The following LRRC9 variants were observed in gnomAD, a reference collection of about 807,000 sequenced individuals.
LRRC9 encodes the protein leucine rich repeat containing 9.
LRRC9 carries 122 observed loss-of-function variants against 63.2 expected under a neutral mutation model. The observed-to-expected ratio is 1.93, with a 90% CI of 1.67 to 2.24. LRRC9 has a LOEUF of 2.24. Among genes scored for constraint, LRRC9 ranks in the 30% most tolerant of loss-of-function variants. LRRC9 has a pLI of 0.00. For missense variants in LRRC9, 1,071 were observed against 627.7 expected, an observed-to-expected ratio of 1.71 and a Z score of -7.55; for synonymous variants, 366 against 213.1, an observed-to-expected ratio of 1.72 and a Z score of -6.25.
intron 6 of LRRC9, among the ~76,000 whole-genome samples, chr14:59,933,449 G>A (rs887884750): frequency 1.3e-5 from 2 of 152,188 alleles, no homozygotes; most frequent in African/African-American, 2.4e-5. Context: ...CACATATAAT[G>A]TTGGTTAAAA....
chr14:60,000,539 G>A (rs1028758603), intron 19 of LRRC9, among the ~76,000 whole-genome samples: 1 of 152,006 alleles, frequency 6.6e-6, no homozygotes, highest in Admixed American at 6.6e-5. Flanking sequence ...ATAGACCAAT[G>A]GAACAGAATA....
At chr14:59,995,343 T>C (rs934361663) in intron 17 of LRRC9, among the ~76,000 whole-genome samples, 2 of 152,218 alleles carry the variant, frequency 1.3e-5, no homozygotes, top group Non-Finnish European at 2.9e-5. Context: ...TAAATGGCTA[T>C]TTGCAACCTC....
At position 60,053,383 on chromosome 14, in the gene LRRC9, TCACACACACACACACACA is replaced by T. The variant is rs140525122; in HGVS notation, c.4131+199_4131+216del. 1.2e-5 allele frequency among the ~76,000 whole-genome samples: 1 copy of T among 85,618 alleles called. No homozygotes were observed. The highest frequency in any genetic ancestry group is 3.1e-5 in the African/African-American group (1 of 31,952). The allele number at this position is 85,618 out of a possible 152,430, so 56.2% of individuals were successfully genotyped here. A position where few individuals can be genotyped will look rare whatever the true frequency, so the allele number is the denominator to read the frequency against. ...GATTTGGTGAATAGAGCATGCGTGC[TCACACACACACACACACA>T]CACACACACACACACACACATATAT... On this transcript the variant is annotated intron_variant, in intron 30 of 31. Transcript: ENST00000445360. This position sits in a 1 kb window ranked among gnomAD's most constrained non-coding sequence, Gnocchi z 4.8.
intron 8 of LRRC9, among the ~76,000 whole-genome samples, chr14:59,946,492 C>CT (rs201416774): frequency 0.015 from 2,104 of 144,860 alleles, 51 homozygotes; most frequent in East Asian, 0.061. Context: ...AATCTATTTT[C>CT]TTTTTTTTTG....
chr14:59,996,616 T>C (rs981729797), intron 17 of LRRC9, among the ~76,000 whole-genome samples: 1 of 152,154 alleles, frequency 6.6e-6, no homozygotes, highest in Admixed American at 6.5e-5. Context: ...ATGACCAGTA[T>C]AAACACATAG....
chr14:60,034,690 T>G (rs565327012), intron 29 of LRRC9, among the ~76,000 whole-genome samples: 1 of 152,360 alleles, frequency 6.6e-6, no homozygotes, highest in East Asian at 1.9e-4. Flanking sequence ...ATTCTTTTTA[T>G]GGCTGAATAA....
chr14:59,944,860 ACACACT>A (rs199733138), intron 8 of LRRC9, 116 bp downstream of exon 8: 4 of 448,268 alleles, frequency 8.9e-6, no homozygotes, highest in African/African-American at 2.6e-5. Flanking sequence ...ACACACACAC[ACACACT>A]CACACACACA....
At chr14:59,993,336 G>A (rs1164116696) in intron 17 of LRRC9, among the ~76,000 whole-genome samples, 22 of 152,178 alleles carry the variant, frequency 1.4e-4, no homozygotes, top group Non-Finnish European at 1.6e-4. Flanking sequence ...AGGAACAACC[G>A]GTACCAGCCA....
chr14:60,056,130 CA>C (rs1487924154), intron 30 of LRRC9, among the ~76,000 whole-genome samples: 2 of 152,116 alleles, frequency 1.3e-5, no homozygotes, highest in African/African-American at 2.4e-5. Context: ...TTCACCATCT[CA>C]AAATCCTTAA....
At chr14:59,975,374 C>T (rs1484500451) in intron 13 of LRRC9, among the ~76,000 whole-genome samples, 4 of 151,538 alleles carry the variant, frequency 2.6e-5, no homozygotes, top group Non-Finnish European at 5.9e-5. Context: ...GTATGGATTG[C>T]TTTATAACTT....
intron 29 of LRRC9, among the ~76,000 whole-genome samples, chr14:60,052,132 C>A (rs1175878047): frequency 1.3e-5 from 2 of 152,180 alleles, no homozygotes; most frequent in African/African-American, 4.8e-5. Context: ...TCTTGGCCCA[C>A]ATTCAGGTCT....
rs1023792758 is a variant in LRRC9 at position 59,959,571 on chromosome 14, T to C, written c.883-247T>C. Among the ~76,000 whole-genome samples, 60 of 152,356 alleles carry C rather than the reference T, an allele frequency of 3.9e-4. 1 individual carries two copies. The highest frequency in any genetic ancestry group is 1.3e-3 in the African/African-American group (54 of 41,596). On this transcript the variant is annotated intron_variant, in intron 8 of 31. Transcript: ENST00000445360. ...CTTATTTTCAATTGGGAGACTGCCC[T>C]ATTTGAAGTGGTTAAGGTCGGCACT...
At chr14:59,953,987 T>A (rs1052760453) in intron 8 of LRRC9, among the ~76,000 whole-genome samples, 1 of 152,200 alleles carries the variant, frequency 6.6e-6, no homozygotes. Context: ...GTGGTGCTAT[T>A]TCTGAGGTCT....
intron 27 of LRRC9, among the ~76,000 whole-genome samples, chr14:60,023,312 T>C (rs1891260068): frequency 6.6e-6 from 1 of 152,018 alleles, no homozygotes; most frequent in Non-Finnish European, 1.5e-5. Flanking sequence ...TATGTATTAC[T>C]AACTTAAGTG....
intron 27 of LRRC9, among the ~76,000 whole-genome samples, chr14:60,023,392 G>A (rs555919072): frequency 1.3e-5 from 2 of 152,042 alleles, no homozygotes; most frequent in African/African-American, 4.8e-5. Flanking sequence ...CTTTAAAGGA[G>A]TGATAGAATC....
At position 59,982,091 on chromosome 14, in the gene LRRC9, C is replaced by A. The variant is rs780815941; in HGVS notation, c.2091+31C>A. The A allele has an allele frequency of 1.2e-4, 80 of 667,560 alleles. 1 individual carries two copies. In the South Asian group the frequency reaches 1.3e-3, roughly 11 times the overall value. 41.4% of individuals were successfully genotyped at this position (667,560 alleles called of 1,614,324 possible). ...TATTGTGAGAAATACAGCTTTGAGACAGGAATCTTGAATTTGGAATCAGAA... is the reference window on the plus strand; with the variant it reads ...TATTGTGAGAAATACAGCTTTGAGAAAGGAATCTTGAATTTGGAATCAGAA... On this transcript the variant is annotated intron_variant, in intron 16 of 31. Transcript: ENST00000445360.
At position 60,053,209 on chromosome 14, in the gene LRRC9, ATAATTATATTATT is replaced by A; in HGVS notation, c.4131+7_4131+19del. The A allele has an allele frequency of 1.4e-6, 1 of 694,106 alleles. No individual in the cohort carries two copies. The highest frequency in any genetic ancestry group is 1.5e-5 in the South Asian group (1 of 65,564). The allele number at this position is 694,106 out of a possible 1,614,324, so 43.0% of individuals were successfully genotyped here. A position where few individuals can be genotyped will look rare whatever the true frequency, so the allele number is the denominator to read the frequency against. On this transcript the variant is annotated splice_donor_5th_base_variant and intron_variant, in intron 30 of 31. Transcript: ENST00000445360. The surrounding 1 kb of genome is among the most constrained non-coding windows in gnomAD (Gnocchi z 4.8). ...ACTACAAGCAAAGAAAAACTCGGTAATAATTATATTATTTACAATTTTCCTTTTGAAGCACATT... is the reference window on the plus strand; with the variant it reads ...ACTACAAGCAAAGAAAAACTCGGTAATACAATTTTCCTTTTGAAGCACATT...
chr14:59,977,430 T>G, intron 14 of LRRC9, 83 bp downstream of exon 14: 1 of 534,486 alleles, frequency 1.9e-6, no homozygotes, highest in African/African-American at 1.9e-5. Context: ...CACAATTTTA[T>G]TTCTACTTAA....
At chr14:59,953,187 C>G (rs1489142607) in intron 8 of LRRC9, among the ~76,000 whole-genome samples, 1 of 152,174 alleles carries the variant, frequency 6.6e-6, no homozygotes, top group African/African-American at 2.4e-5. Context: ...AATGGGATTG[C>G]TGGGTCAAAT....
Sources: allele counts gnomAD v4.1 joint callset (sites outside exome capture counted in the v4.1 genomes callset), GRCh38; gene constraint gnomAD v4.1.1; non-coding constraint Gnocchi (gnomAD v3.1); transcripts MANE v1.5; gene names NCBI Gene and HGNC (gene_info 2026-07-23, HGNC 2026-07-21).